MAP3K7: variants seen among roughly 807,000 people sequenced by gnomAD.
The protein encoded by MAP3K7 is mitogen-activated protein kinase kinase kinase 7.
Under a neutral mutation model 84.8 loss-of-function variants are expected in MAP3K7, and 21 were observed. That is an observed-to-expected ratio of 0.25 (90% CI 0.18 to 0.36). The LOEUF is 0.36. MAP3K7 is among the 10% of genes least tolerant of loss of function. MAP3K7 has a pLI of 1.00. For synonymous variants in MAP3K7, 241 were observed against 247.7 expected, an observed-to-expected ratio of 0.97 and a Z score of 0.25; for missense variants, 503 against 747.7, an observed-to-expected ratio of 0.67 and a Z score of 3.82.
chr6:90,553,404 C>T, intron 7 of MAP3K7, 54 bp downstream of exon 7: 1 of 1,548,950 alleles, frequency 6.5e-7, no homozygotes. Flanking sequence ...CAGGAGTAGT[C>T]TTCCAAGTAG....
chr6:90,519,699 T>C (rs1775085448), intron 14 of MAP3K7, among the ~76,000 whole-genome samples: 1 of 151,956 alleles, frequency 6.6e-6, no homozygotes, highest in African/African-American at 2.4e-5. Flanking sequence ...CATGCTAAGT[T>C]TATTTTATAG....
intron 2 of MAP3K7, among the ~76,000 whole-genome samples, chr6:90,570,437 T>A (rs1015480794): frequency 2.0e-5 from 3 of 152,144 alleles, no homozygotes; most frequent in Non-Finnish European, 4.4e-5. Flanking sequence ...GACTCAAAGA[T>A]TCCTTCCTTG....
intron 2 of MAP3K7, among the ~76,000 whole-genome samples, chr6:90,570,467 C>G (rs968350596): frequency 6.6e-6 from 1 of 152,094 alleles, no homozygotes; most frequent in African/African-American, 2.4e-5. Flanking sequence ...AGCTCAATGA[C>G]TATCTCTTAT....
At chr6:90,570,602 T>C (rs1336369323) in intron 2 of MAP3K7, among the ~76,000 whole-genome samples, 2 of 152,106 alleles carry the variant, frequency 1.3e-5, no homozygotes, top group Non-Finnish European at 2.9e-5. Context: ...GAAAATTAGA[T>C]TGGAGGAGGT....
chr6:90,531,690 C>T (rs117248575), intron 13 of MAP3K7, among the ~76,000 whole-genome samples: 3,876 of 152,218 alleles, frequency 0.025, 63 homozygotes, highest in South Asian at 0.045. Context: ...TAGTGGCTCA[C>T]GACTGTAATC....
At chr6:90,577,228 G>A (rs1777114014) in intron 1 of MAP3K7, among the ~76,000 whole-genome samples, 1 of 152,188 alleles carries the variant, frequency 6.6e-6, no homozygotes, top group Admixed American at 6.5e-5. Context: ...GAGGAAAAGA[G>A]CTGAATCAAG....
At chr6:90,571,070 T>C (rs916087256) in intron 2 of MAP3K7, among the ~76,000 whole-genome samples, 1 of 152,160 alleles carries the variant, frequency 6.6e-6, no homozygotes, top group Non-Finnish European at 1.5e-5. Context: ...AGAAGGCTTA[T>C]AAGGTACAGG....
At chr6:90,522,474 C>T in intron 14 of MAP3K7, among the ~76,000 whole-genome samples, 1 of 152,086 alleles carries the variant, frequency 6.6e-6, no homozygotes, top group East Asian at 1.9e-4. Context: ...AAAAGAGCTG[C>T]TATCACCTGA....
intron 16 of MAP3K7, 123 bp downstream of exon 16, chr6:90,518,312 GGGTGCTTAAAGC>G: frequency 1.8e-6 from 1 of 570,296 alleles, no homozygotes; most frequent in Non-Finnish European, 3.1e-6. Context: ...TTTAGTAAAA[GGGTGCTTAAAGC>G]TTAAACAAGT....
chr6:90,519,229 C>T (rs371097531), intron 15 of MAP3K7, 29 bp downstream of exon 15: 169 of 1,502,626 alleles, frequency 1.1e-4, no homozygotes, highest in Non-Finnish European at 1.5e-4. Flanking sequence ...AGAAAAAAGT[C>T]AACTTTCAAT....
In MAP3K7 at chr6:90,587,036, A is replaced by G; in HGVS notation, c.-153T>C. 1.1e-6 allele frequency: 1 copy of G among 902,062 alleles called. No individual in the cohort carries two copies. Among genetic ancestry groups the G allele is most frequent in the Non-Finnish European group, 1.5e-6 (1 of 649,806 alleles). 55.9% of individuals were successfully genotyped at this position (902,062 alleles called of 1,614,324 possible). A position where few individuals can be genotyped will look rare whatever the true frequency, so the allele number is the denominator to read the frequency against. On this transcript the variant is annotated 5_prime_UTR_variant, in exon 1 of 17. Coordinates refer to ENST00000369329, the MANE Select transcript of MAP3K7 (RefSeq NM_145331.3). The stretch of plus-strand genomic sequence containing the variant: ...TGGCGGGGGTAGAGGCAGCGGCCAC[A>G]GCCGTGTCCGGCTCTGGCTCCGCTG...
At chr6:90,527,466 C>T (rs925810774) in intron 13 of MAP3K7, among the ~76,000 whole-genome samples, 10 of 140,292 alleles carry the variant, frequency 7.1e-5, no homozygotes, top group South Asian at 4.5e-4. Flanking sequence ...GGGTCTCGCC[C>T]GTGTTGTGCA....
chr6:90,551,356 C>T (rs777085245), intron 8 of MAP3K7: 1 of 152,134 alleles, frequency 6.6e-6, no homozygotes, highest in Non-Finnish European at 1.5e-5. Flanking sequence ...AATTCAGGCA[C>T]TTTCATAGAT....
At chr6:90,523,623 T>C in intron 14 of MAP3K7, 55 bp downstream of exon 14, 1 of 1,183,448 alleles carries the variant, frequency 8.4e-7, no homozygotes, top group Non-Finnish European at 1.3e-6. Flanking sequence ...CATGGCCAAA[T>C]GAATATAAAC....
chr6:90,528,599 G>GT (rs1775398241), intron 13 of MAP3K7, among the ~76,000 whole-genome samples: 1 of 152,014 alleles, frequency 6.6e-6, no homozygotes, highest in Non-Finnish European at 1.5e-5. Flanking sequence ...TCTCATTTCT[G>GT]TTTTTTTAAA....
intron 13 of MAP3K7, among the ~76,000 whole-genome samples, chr6:90,531,944 G>GA (rs1775521195): frequency 6.7e-6 from 1 of 148,910 alleles, no homozygotes; most frequent in African/African-American, 2.5e-5. Flanking sequence ...TGACAGCGGG[G>GA]ACTGTGTCTC....
intron 7 of MAP3K7, among the ~76,000 whole-genome samples, chr6:90,553,235 C>T (rs766913421): frequency 6.6e-6 from 1 of 152,106 alleles, no homozygotes. Flanking sequence ...AGCCAGTGAA[C>T]ATCCTCAGCC....
At chr6:90,535,536 AAC>A (rs1174408782) in intron 13 of MAP3K7, among the ~76,000 whole-genome samples, 1 of 151,986 alleles carries the variant, frequency 6.6e-6, no homozygotes, top group African/African-American at 2.4e-5. Flanking sequence ...GCTGAAAACA[AAC>A]ACCTTATAAT....
At chr6:90,541,624 C>A (rs1276385266) in intron 12 of MAP3K7, among the ~76,000 whole-genome samples, 1 of 151,988 alleles carries the variant, frequency 6.6e-6, no homozygotes, top group Non-Finnish European at 1.5e-5. Flanking sequence ...ATTGTACAGT[C>A]TGACCCACAG....
Sources: allele counts gnomAD v4.1 joint callset (sites outside exome capture counted in the v4.1 genomes callset), GRCh38; gene constraint gnomAD v4.1.1; transcripts MANE v1.5; gene names NCBI Gene and HGNC (gene_info 2026-07-23, HGNC 2026-07-21).